Variants in RHEB observed in about 807,000 individuals in gnomAD.
RHEB encodes GTP-binding protein Rheb.
RHEB carries 2 observed loss-of-function variants against 28.8 expected under a neutral mutation model. The ratio of observed to expected loss-of-function variants is 0.07; its 90% CI spans 0.03 to 0.22. RHEB has a LOEUF of 0.22. RHEB is among the 10% of genes least tolerant of loss of function. The probability of loss-of-function intolerance (pLI) is 1.00; values close to 1 mark genes in which losing one functional copy is unlikely to be tolerated. For missense variants in RHEB, 76 were observed against 219.9 expected, an observed-to-expected ratio of 0.35 and a Z score of 4.14; for synonymous variants, 69 against 77.3, an observed-to-expected ratio of 0.89 and a Z score of 0.56.
At chr7:151,476,758 AT>A (rs1802279348) in intron 4 of RHEB, among the ~76,000 whole-genome samples, 1 of 152,246 alleles carries the variant, frequency 6.6e-6, no homozygotes, top group Non-Finnish European at 1.5e-5. Context: ...CCGCTGCTGT[AT>A]ACAGCCAGCT....
chr7:151,501,766 G>C, intron 1 of RHEB: 1 of 249,014 alleles, frequency 4.0e-6, no homozygotes, highest in South Asian at 5.3e-5. Context: ...GTGACATCAC[G>C]GGCCCCATGT....
chr7:151,509,044 G>A (rs756034064), intron 1 of RHEB, among the ~76,000 whole-genome samples: 2 of 152,160 alleles, frequency 1.3e-5, no homozygotes, highest in Non-Finnish European at 2.9e-5. Context: ...CTCTTATGCA[G>A]AATGAAAAGA....
intron 5 of RHEB, 45 bp downstream of exon 5, chr7:151,471,504 T>C (rs540948511): frequency 4.5e-6 from 7 of 1,550,762 alleles, no homozygotes; most frequent in East Asian, 4.5e-5. Context: ...GAAGATACTA[T>C]TAAAAGAAGT....
At chr7:151,504,215 T>C (rs1404865365) in intron 1 of RHEB, among the ~76,000 whole-genome samples, 1 of 152,190 alleles carries the variant, frequency 6.6e-6, no homozygotes, top group Non-Finnish European at 1.5e-5. Flanking sequence ...CTGACAAGTG[T>C]CCCTATAACC....
intron 1 of RHEB, chr7:151,519,130 G>C (rs1403573196): frequency 1.3e-5 from 2 of 154,880 alleles, no homozygotes; most frequent in Admixed American, 6.5e-5. Flanking sequence ...CCTCTAGCGC[G>C]GCTCCCCGGC....
intron 3 of RHEB, among the ~76,000 whole-genome samples, chr7:151,479,507 C>T (rs1802338267): frequency 6.6e-6 from 1 of 151,856 alleles, no homozygotes; most frequent in Non-Finnish European, 1.5e-5. Context: ...ACAGTGAAAC[C>T]CCGTCTCCAC....
chr7:151,469,987 G>A (rs1044830703), intron 7 of RHEB, among the ~76,000 whole-genome samples: 1 of 152,082 alleles, frequency 6.6e-6, no homozygotes, highest in African/African-American at 2.4e-5. Flanking sequence ...GCTTGGTGCC[G>A]GGGGTCTAAA....
intron 1 of RHEB, among the ~76,000 whole-genome samples, chr7:151,513,202 GCAGT>G (rs1347132406): frequency 6.6e-6 from 1 of 152,182 alleles, no homozygotes; most frequent in African/African-American, 2.4e-5. Flanking sequence ...AAGCACTTGT[GCAGT>G]CATTTGAGAA....
chr7:151,484,244 T>C (rs1802427923), intron 3 of RHEB, among the ~76,000 whole-genome samples: 1 of 152,190 alleles, frequency 6.6e-6, no homozygotes, highest in Non-Finnish European at 1.5e-5. Context: ...GGAGAACACA[T>C]ATCACAAAGA....
At chr7:151,497,962 T>A (rs1276961465) in intron 1 of RHEB, 1 of 431,636 alleles carries the variant, frequency 2.3e-6, no homozygotes, top group African/African-American at 2.0e-5. Context: ...TAGGCTCCCC[T>A]TTGCTCTCAG....
chr7:151,518,674 C>T (rs1803124843), intron 1 of RHEB, among the ~76,000 whole-genome samples: 1 of 152,146 alleles, frequency 6.6e-6, no homozygotes, highest in Admixed American at 6.5e-5. Context: ...GGAACTGTTT[C>T]AAATGTATGT....
At chr7:151,471,254 G>T in intron 6 of RHEB, 140 bp downstream of exon 6, 1 of 609,842 alleles carries the variant, frequency 1.6e-6, no homozygotes. Flanking sequence ...TTCCACTTTT[G>T]CTTCTGCTGC....
At chr7:151,509,342 C>G (rs1305300775) in intron 1 of RHEB, among the ~76,000 whole-genome samples, 2 of 152,202 alleles carry the variant, frequency 1.3e-5, no homozygotes, top group Admixed American at 6.5e-5. Context: ...TCGCTAGGGC[C>G]TCTGTGGCCA....
At chr7:151,479,412 A>G (rs185618414) in intron 3 of RHEB, among the ~76,000 whole-genome samples, 26 of 152,218 alleles carry the variant, frequency 1.7e-4, no homozygotes, top group Middle Eastern at 3.4e-3. Flanking sequence ...GCCGGGCACA[A>G]TGGCTCACGT....
At chr7:151,475,907 A>C (rs970144823) in intron 4 of RHEB, among the ~76,000 whole-genome samples, 1 of 152,240 alleles carries the variant, frequency 6.6e-6, no homozygotes, top group Non-Finnish European at 1.5e-5. Context: ...AAGGATGTTA[A>C]AACAATCCAT....
At chr7:151,496,614 T>G (rs1408564899) in intron 1 of RHEB, among the ~76,000 whole-genome samples, 1 of 152,140 alleles carries the variant, frequency 6.6e-6, no homozygotes, top group African/African-American at 2.4e-5. Context: ...ACGAAAAGGT[T>G]AGAAATATAC....
At chr7:151,503,968 G>A (rs1802822052) in intron 1 of RHEB, among the ~76,000 whole-genome samples, 1 of 152,192 alleles carries the variant, frequency 6.6e-6, no homozygotes, top group Non-Finnish European at 1.5e-5. Flanking sequence ...GTGGTGAAAT[G>A]TTGGAACCAT....
At chr7:151,478,866 C>T (rs1000912137) in intron 3 of RHEB, among the ~76,000 whole-genome samples, 1 of 152,106 alleles carries the variant, frequency 6.6e-6, no homozygotes, top group African/African-American at 2.4e-5. Flanking sequence ...AACCCCTGAC[C>T]TCAGGTGATC....
chr7:151,504,804 T>C (rs1227704434), intron 1 of RHEB, among the ~76,000 whole-genome samples: 1 of 152,140 alleles, frequency 6.6e-6, no homozygotes, highest in Non-Finnish European at 1.5e-5. Flanking sequence ...TGATGGATTG[T>C]TCTACAGCCT....
Sources: allele counts gnomAD v4.1 joint callset (sites outside exome capture counted in the v4.1 genomes callset), GRCh38; gene constraint gnomAD v4.1.1; transcripts MANE v1.5; gene names NCBI Gene and HGNC (gene_info 2026-07-23, HGNC 2026-07-21).